The following C1orf146 variants were observed in gnomAD, a reference collection of about 807,000 sequenced individuals.
The protein encoded by C1orf146 is protein SPO16 homolog.
Under a neutral mutation model 23.0 loss-of-function variants are expected in C1orf146, and 22 were observed. The ratio of observed to expected loss-of-function variants is 0.96; its 90% confidence interval spans 0.68 to 1.36. The LOEUF (loss-of-function observed/expected upper bound fraction) is 1.36, where lower values mean the gene tolerates loss of function less well. C1orf146 is among the 40% of genes most tolerant of loss of function. The probability of loss-of-function intolerance (pLI) is 0.00; values close to 1 mark genes in which losing one functional copy is unlikely to be tolerated. For missense variants in C1orf146, 199 were observed against 206.8 expected (o/e 0.96, Z 0.23); for synonymous variants, 59 against 65.3 (o/e 0.90, Z 0.47).
intron 1 of C1orf146, among the ~76,000 whole-genome samples, chr1:92,227,991 T>C (rs1291520531): frequency 2.0e-5 from 3 of 152,188 alleles, no homozygotes; most frequent in Non-Finnish European, 4.4e-5. Flanking sequence ...CTCCATTCTC[T>C]TTTCTCTTTC....
intron 1 of C1orf146, among the ~76,000 whole-genome samples, chr1:92,219,812 G>C (rs1166797947): frequency 6.6e-6 from 1 of 152,036 alleles, no homozygotes; most frequent in African/African-American, 2.4e-5. Flanking sequence ...GTGCCACTGT[G>C]CCCAGCTCCA....
rs765241822 is a variant in C1orf146, at chr1:92,245,526, A to G, written c.409-14A>G. 2.2e-5 allele frequency: 35 copies of G among 1,575,422 alleles called. No individual in the cohort carries two copies. The highest frequency in any genetic ancestry group is 1.9e-4 in the Admixed American group (10 of 51,302). ...TTTCTGTAAATAATGCTGCATCTTT[A>G]TATCTTCTTCCAGACTACCTCCAAA... On this transcript the variant is annotated splice_polypyrimidine_tract_variant and intron_variant, in intron 5 of 5. Coordinates refer to ENST00000370375, the MANE Select transcript of C1orf146 (RefSeq NM_001012425.2).
chr1:92,223,858 A>G (rs1651895922), intron 1 of C1orf146, among the ~76,000 whole-genome samples: 1 of 151,732 alleles, frequency 6.6e-6, no homozygotes, highest in East Asian at 1.9e-4. Context: ...CTTTAAAAAT[A>G]TATTCGGGGT....
chr1:92,219,938 A>T (rs1345240703), intron 1 of C1orf146, among the ~76,000 whole-genome samples: 2 of 152,174 alleles, frequency 1.3e-5, no homozygotes, highest in Non-Finnish European at 2.9e-5. Context: ...GTATAGACTC[A>T]TGGATATTCA....
chr1:92,244,044 A>T (rs1040513050), intron 3 of C1orf146, among the ~76,000 whole-genome samples, 173 bp from the exon 4 acceptor site: 3 of 152,078 alleles, frequency 2.0e-5, no homozygotes, highest in Non-Finnish European at 4.4e-5. Flanking sequence ...ACTTCAAAGA[A>T]CTACCTAAAT....
At chr1:92,226,416 T>C (rs185945775) in intron 1 of C1orf146, among the ~76,000 whole-genome samples, 3,818 of 114,014 alleles carry the variant, frequency 0.033, 93 homozygotes, top group African/African-American at 0.074. Flanking sequence ...CACACACACA[T>C]ACACACACAC....
At chr1:92,221,579 A>G (rs1453964747) in intron 1 of C1orf146, among the ~76,000 whole-genome samples, 3 of 152,216 alleles carry the variant, frequency 2.0e-5, no homozygotes, top group African/African-American at 7.2e-5. Flanking sequence ...AGTGCAGATT[A>G]TTTTATCTAA....
chr1:92,244,314 T>C lies in C1orf146; in HGVS notation c.258T>C (p.Asn86=), dbSNP rs1479617391. The part of the protein sequence containing the change: ...KIEKFINIHQ[N]SFLVLSAALH... ...AGAAATTTATTAACATTCACCAAAA[T>C]AGTTTTTTGGTTTTGTCTGCTGCCC... Residue 86 remains asparagine, a synonymous_variant, in exon 4 of 6, where the codon AAT becomes AAC. Transcript: ENST00000370375. The C allele has an allele frequency of 4.3e-6, 7 of 1,610,774 alleles. No homozygotes were observed. The highest frequency in any genetic ancestry group is 4.5e-5 in the East Asian group (2 of 44,844).
chr1:92,235,473 G>C (rs964262802), intron 2 of C1orf146, among the ~76,000 whole-genome samples: 17 of 152,250 alleles, frequency 1.1e-4, no homozygotes, highest in Non-Finnish European at 2.1e-4. Flanking sequence ...TGGTCTGAGA[G>C]ATAGTTTGTT....
intron 1 of C1orf146, among the ~76,000 whole-genome samples, chr1:92,230,927 G>A (rs1652104866): frequency 6.6e-6 from 1 of 152,172 alleles, no homozygotes; most frequent in South Asian, 2.1e-4. Flanking sequence ...GTGTGCAGAT[G>A]TCACCTGGCC....
rs530540521 is a variant in C1orf146 at position 92,219,030 on chromosome 1, C to A, written c.-40+982C>A. ...AGCTTTAGTTAAATTGTTTTTAAAACCTATGTATAAGGGTGTAAAGATTTA... is the reference window on the plus strand; with the variant it reads ...AGCTTTAGTTAAATTGTTTTTAAAAACTATGTATAAGGGTGTAAAGATTTA... On this transcript the variant is annotated intron_variant, in intron 1 of 5. Transcript: ENST00000370375. Among the ~76,000 whole-genome samples, 238 of 152,276 alleles carry A rather than the reference C, an allele frequency of 1.6e-3. 1 individual carries two copies. Among genetic ancestry groups the A allele is most frequent in the Non-Finnish European group, 2.9e-3 (199 of 68,036 alleles).
At chr1:92,218,618 A>T (rs1651738999) in intron 1 of C1orf146, among the ~76,000 whole-genome samples, 1 of 152,046 alleles carries the variant, frequency 6.6e-6, no homozygotes, top group Admixed American at 6.6e-5. Flanking sequence ...TACATAGGTT[A>T]AACTCGTGTC....
intron 1 of C1orf146, among the ~76,000 whole-genome samples, chr1:92,220,122 A>G (rs955413551): frequency 1.0e-4 from 15 of 150,734 alleles, no homozygotes; most frequent in African/African-American, 3.7e-4. Flanking sequence ...TTTTGGCACT[A>G]CTCTGGACTC....
intron 2 of C1orf146, among the ~76,000 whole-genome samples, chr1:92,235,075 A>C (rs946313717): frequency 2.0e-5 from 3 of 151,800 alleles, no homozygotes; most frequent in African/African-American, 7.3e-5. Flanking sequence ...TGGATTCATT[A>C]ATTTTTTGAA....
At chr1:92,231,593 TGTG>T (rs1652121705) in intron 2 of C1orf146, 107 bp downstream of exon 2, 2 of 647,186 alleles carry the variant, frequency 3.1e-6, no homozygotes. Context: ...CACAATTAAT[TGTG>T]GGGAGCAGGA....
intron 2 of C1orf146, among the ~76,000 whole-genome samples, chr1:92,237,269 T>C (rs1363261116): frequency 6.6e-6 from 1 of 152,214 alleles, no homozygotes; most frequent in Non-Finnish European, 1.5e-5. Flanking sequence ...GATGGTGATG[T>C]ACAGATGGGT....
At chr1:92,233,606 T>G (rs1181821065) in intron 2 of C1orf146, among the ~76,000 whole-genome samples, 1 of 152,150 alleles carries the variant, frequency 6.6e-6, no homozygotes, top group African/African-American at 2.4e-5. Flanking sequence ...CTTTTTTGGT[T>G]CCATGTGAAC....
intron 2 of C1orf146, chr1:92,241,056 A>C: frequency 2.9e-6 from 1 of 347,998 alleles, no homozygotes; most frequent in Non-Finnish European, 5.9e-6. Flanking sequence ...TGAATTGTCA[A>C]ATTGGTTGTC....
chr1:92,225,951 AATCTT>A (rs1408252462), intron 1 of C1orf146, among the ~76,000 whole-genome samples: 1 of 152,174 alleles, frequency 6.6e-6, no homozygotes, highest in Non-Finnish European at 1.5e-5. Context: ...TTGACTGTAA[AATCTT>A]ATCCATTCAC....
Sources: allele counts gnomAD v4.1 joint callset (sites outside exome capture counted in the v4.1 genomes callset), GRCh38; gene constraint gnomAD v4.1.1; transcripts MANE v1.5; gene names NCBI Gene and HGNC (gene_info 2026-07-23, HGNC 2026-07-21).